The following CENPE variants were observed in gnomAD, a reference collection of about 807,000 sequenced individuals.
CENPE encodes centromere protein E.
Under a neutral mutation model 336.1 loss-of-function variants are expected in CENPE, and 145 were observed. The ratio of observed to expected loss-of-function variants is 0.43; its 90% CI spans 0.38 to 0.50. The LOEUF (loss-of-function observed/expected upper bound fraction) is 0.50. Among genes scored for constraint, CENPE ranks in the 20% least tolerant of loss-of-function variants. The probability of loss-of-function intolerance (pLI) is 0.00; values close to 1 mark genes in which losing one functional copy is unlikely to be tolerated. For missense variants in CENPE, 2,719 were observed against 3,023.3 expected (o/e 0.90, Z 2.36); for synonymous variants, 1,013 against 984.8 (o/e 1.03, Z -0.54).
Position 103,158,322 on chromosome 4 carries a change from GT to G in CENPE, c.3010del (p.Thr1004LeufsTer12). On this transcript the variant is annotated frameshift_variant, in exon 24 of 49. Transcript: ENST00000265148. LOFTEE classifies it high-confidence loss of function. ...NLHMEENTGE[T>X]KDEFQQKMVG... The stretch of plus-strand genomic sequence containing the variant: ...TACCTTTTGCTGAAATTCATCTTTA[GT>G]TTCTCCTGTATTTTCCTCCATATGC... 1 of 1,606,154 alleles carries G rather than the reference GT, an allele frequency of 6.2e-7. No homozygotes were observed. The highest frequency in any genetic ancestry group is 8.5e-7 in the Non-Finnish European group (1 of 1,177,174).
rs568323371 is a variant in CENPE at position 103,140,415 on chromosome 4, C to A, written c.5755-1G>T. The A allele has an allele frequency of 6.1e-5, 96 of 1,566,856 alleles. 2 individuals are homozygous for A. The South Asian group carries it at 1.1e-3, about 18-fold the overall frequency. The stretch of plus-strand genomic sequence containing the variant: ...TTAGTTCCTGTTGTATTTCCAGATC[C>A]TTTATGGTTAGAAGAAATCAAGAAA... On this transcript the variant is annotated splice_acceptor_variant, in intron 36 of 48. Transcript: ENST00000265148. LOFTEE classifies it high-confidence loss of function.
intron 46 of CENPE, among the ~76,000 whole-genome samples, chr4:103,113,549 ATATAT>A (rs886865255): frequency 3.1e-4 from 43 of 140,834 alleles, no homozygotes; most frequent in African/African-American, 1.1e-3. Flanking sequence ...CTTATATATA[ATATAT>A]AATATATAAG....
intron 29 of CENPE, among the ~76,000 whole-genome samples, chr4:103,146,675 A>T (rs1346922450): frequency 1.3e-5 from 2 of 151,956 alleles, no homozygotes; most frequent in Non-Finnish European, 2.9e-5. Context: ...AGGGCCTCAT[A>T]GGCCACATAA....
At position 103,158,425 on chromosome 4, in the gene CENPE, G is replaced by T; in HGVS notation, c.2908C>A (p.Leu970Ile). The change falls in exon 24 of 49, where the codon CTT (leucine) becomes ATT (isoleucine). Residue 970 changes from leucine to isoleucine, a missense_variant. This residue lies in a region of CENPE where 2,437 missense variants were observed against 2,513.3 expected (regional missense o/e 0.97). Coordinates refer to ENST00000265148, the MANE Select transcript of CENPE (RefSeq NM_001813.3). The stretch of plus-strand genomic sequence containing the variant: ...TCTTGATGTTGTTTCAGAGACTCAA[G>T]AGCATTTCGTAATTGTTCTTGAGTA... ...IDTQEQLRNA[L>I]ESLKQHQETI... The T allele has an allele frequency of 6.3e-7, 1 of 1,598,088 alleles. No individual in the cohort carries two copies.
chr4:103,146,303 G>A (rs1753052757), intron 29 of CENPE, among the ~76,000 whole-genome samples, 196 bp from the exon 30 acceptor site: 1 of 152,194 alleles, frequency 6.6e-6, no homozygotes. Context: ...TGTGTTGTCA[G>A]CATCTTATTC....
At chr4:103,119,738 G>A (rs892837711) in intron 44 of CENPE, among the ~76,000 whole-genome samples, 4 of 152,066 alleles carry the variant, frequency 2.6e-5, no homozygotes, top group African/African-American at 7.2e-5. Context: ...TTTCAGTTAC[G>A]GTTCTTCCCC....
rs1373569441 is a variant in CENPE at position 103,194,365 on chromosome 4, A to G, written c.627+9T>C. 27 of 1,604,286 alleles carry G rather than the reference A, an allele frequency of 1.7e-5. No individual in the cohort carries two copies. The highest frequency in any genetic ancestry group is 2.2e-5 in the Non-Finnish European group (26 of 1,171,906). ...TGGAAAGATCTAACAGATAGATAGA[A>G]TTACCTACCATCCTAAAGATGGTAT... is the stretch of plus-strand genomic sequence containing the variant. On this transcript the variant is annotated intron_variant, in intron 7 of 48. Transcript: ENST00000265148.
At chr4:103,157,668 G>A (rs1754072440) in intron 24 of CENPE, among the ~76,000 whole-genome samples, 1 of 151,930 alleles carries the variant, frequency 6.6e-6, no homozygotes, top group Non-Finnish European at 1.5e-5. Context: ...ATCACAATGT[G>A]AATGAATTTT....
chr4:103,120,240 C>A lies in CENPE; in HGVS notation c.7237G>T (p.Val2413Leu). 1 of 1,612,648 alleles carries A rather than the reference C, an allele frequency of 6.2e-7. No homozygotes were observed. The highest frequency in any genetic ancestry group is 8.5e-7 in the Non-Finnish European group (1 of 1,179,294). Residue 2413 changes from valine to leucine, a missense_variant, in exon 44 of 49, where the codon GTG becomes TTG. By Grantham distance (32) the Val-to-Leu change is conservative (BLOSUM62 1). Coordinates refer to ENST00000265148, the MANE Select transcript of CENPE (RefSeq NM_001813.3). The part of the protein sequence containing the change: ...KIIKMQKELE[V>L]TNDIIAKLQA... ...AGTTTTGCTATTATGTCATTAGTCACCTCAAGTTCTTTCTGCATCTTTATA... is the reference window on the plus strand; with the variant it reads ...AGTTTTGCTATTATGTCATTAGTCAACTCAAGTTCTTTCTGCATCTTTATA...
At chr4:103,198,012 G>C (rs575335522) in intron 1 of CENPE, among the ~76,000 whole-genome samples, 2 of 152,252 alleles carry the variant, frequency 1.3e-5, no homozygotes, top group African/African-American at 4.8e-5. Flanking sequence ...AGGCAGAGCA[G>C]CACAGAAGGG....
intron 44 of CENPE, 37 bp downstream of exon 44, chr4:103,120,111 A>C (rs1365968216): frequency 6.8e-7 from 1 of 1,474,044 alleles, no homozygotes; most frequent in Non-Finnish European, 9.3e-7. Context: ...TAAACAAACA[A>C]ACAAACAAAC....
Position 103,159,049 on chromosome 4 carries a change from G to T in CENPE, c.2562C>A (p.Ala854=). The change falls in exon 22 of 49, where the codon GCC becomes GCA. Residue 854 remains alanine (A), a synonymous_variant. Transcript: ENST00000265148. The part of the protein sequence containing the change: ...NQEIVNLSKE[A]QKFDSSLGAL... ...CACCCAAACTCGAATCAAATTTTTG[G>T]GCTTCTTTAGAGAGATTAACTATTT... 1 of 1,535,206 alleles carries T rather than the reference G, an allele frequency of 6.5e-7. No individual in the cohort carries two copies. Among genetic ancestry groups the T allele is most frequent in the Non-Finnish European group, 8.7e-7 (1 of 1,148,096 alleles).
At chr4:103,163,575 T>A (rs769438190) in intron 16 of CENPE, 22 bp from the exon 17 acceptor site, 2 of 1,106,218 alleles carry the variant, frequency 1.8e-6, no homozygotes, top group African/African-American at 2.1e-5. Context: ...TGTGAACAGG[T>A]AACAGAGCAA....
chr4:103,130,068 T>C (rs1399917633), intron 42 of CENPE, among the ~76,000 whole-genome samples: 1 of 152,220 alleles, frequency 6.6e-6, no homozygotes, highest in Non-Finnish European at 1.5e-5. Context: ...TAGTTAATCA[T>C]GAGGAACTAG....
intron 46 of CENPE, among the ~76,000 whole-genome samples, chr4:103,111,546 G>C (rs1749428818): frequency 6.6e-6 from 1 of 152,348 alleles, no homozygotes; most frequent in African/African-American, 2.4e-5. Flanking sequence ...AGGCAAAGTT[G>C]CACAAAATGT....
chr4:103,164,979 A>T (rs749938232), intron 16 of CENPE, among the ~76,000 whole-genome samples: 1 of 152,200 alleles, frequency 6.6e-6, no homozygotes, highest in Non-Finnish European at 1.5e-5. Flanking sequence ...ATGGCCATAG[A>T]TAATGAAAAC....
intron 32 of CENPE, 40 bp from the exon 33 acceptor site, chr4:103,144,658 T>G: frequency 7.1e-7 from 1 of 1,408,554 alleles, no homozygotes; most frequent in Non-Finnish European, 9.7e-7. Context: ...TAGGCAGAAT[T>G]TTTTTAGGAA....
chr4:103,151,142 G>C (rs934176906), intron 26 of CENPE, 77 bp downstream of exon 26: 28 of 1,320,694 alleles, frequency 2.1e-5, no homozygotes, highest in Middle Eastern at 1.9e-4. Context: ...TCTGGATTTA[G>C]GTCTACAGAA....
intron 43 of CENPE, among the ~76,000 whole-genome samples, chr4:103,122,022 T>C (rs1187026045): frequency 2.0e-5 from 3 of 152,232 alleles, no homozygotes; most frequent in African/African-American, 7.2e-5. Context: ...ATGTATTTTA[T>C]TATCTGCTAG....
Sources: gnomAD v4.1 joint callset for allele counts (sites outside exome capture counted in the v4.1 genomes callset) on GRCh38, gnomAD v4.1.1 for gene constraint, gnomAD v4.1.1 regional missense constraint, MANE v1.5 for transcripts, NCBI Gene and HGNC (gene_info 2026-07-23, HGNC 2026-07-21) for gene names.